Variants in STAB2 observed in about 807,000 individuals in gnomAD.
STAB2 encodes stabilin 2.
Under a neutral mutation model 338.1 loss-of-function variants are expected in STAB2, and 288 were observed. The ratio of observed to expected loss-of-function variants is 0.85; its 90% CI spans 0.77 to 0.94. STAB2 has a LOEUF of 0.94. STAB2 is among the 40% of genes least tolerant of loss of function. The probability of loss-of-function intolerance (pLI) is 0.00; values close to 1 mark genes in which losing one functional copy is unlikely to be tolerated. For missense variants in STAB2, 3,141 were observed against 3,210.1 expected (o/e 0.98, Z 0.52); for synonymous variants, 1,202 against 1,193.3 (o/e 1.01, Z -0.15).
chr12:103,660,428 G>A (rs777259195), intron 16 of STAB2, 44 bp downstream of exon 16: 4 of 1,603,128 alleles, frequency 2.5e-6, no homozygotes, highest in Admixed American at 3.3e-5. Context: ...CTGCTTCCAA[G>A]ATAGCTAACT....
intron 51 of STAB2, among the ~76,000 whole-genome samples, chr12:103,734,564 C>T (rs779409347): frequency 4.6e-5 from 7 of 152,226 alleles, no homozygotes; most frequent in Non-Finnish European, 1.0e-4. Flanking sequence ...CATATAGGAA[C>T]ATGGCAGCCA....
intron 25 of STAB2, among the ~76,000 whole-genome samples, chr12:103,680,989 C>T (rs1370538253): frequency 2.0e-5 from 3 of 152,294 alleles, no homozygotes; most frequent in Admixed American, 6.5e-5. Context: ...TGAAGAAATG[C>T]GATCTTGTGC....
intron 44 of STAB2, among the ~76,000 whole-genome samples, chr12:103,723,242 C>CA (rs1403665252): frequency 6.6e-6 from 1 of 152,154 alleles, no homozygotes; most frequent in Non-Finnish European, 1.5e-5. Context: ...GGGCAACTTA[C>CA]AAAAGAAAGG....
Position 103,654,503 on chromosome 12 carries a change from C to T in STAB2, c.1408-52C>T, listed in dbSNP as rs1379114910. ...ACTTCTGACTCTACTCCAGTGCTTG[C>T]TCCTTCCAGGACACCATAGTAATCT... On this transcript the variant is annotated intron_variant, in intron 12 of 68. Coordinates refer to ENST00000388887, the MANE Select transcript of STAB2 (RefSeq NM_017564.10). 3 of 1,564,134 alleles carry T rather than the reference C, an allele frequency of 1.9e-6. No homozygotes were observed. In the African/African-American group the frequency reaches 4.1e-5, roughly 21 times the overall value.
intron 53 of STAB2, 119 bp downstream of exon 53, chr12:103,737,899 CAGA>C (rs1882286528): frequency 7.5e-7 from 1 of 1,336,448 alleles, no homozygotes; most frequent in South Asian, 1.6e-5. Context: ...GACTAGGACC[CAGA>C]AGACCTGAGG....
intron 6 of STAB2, among the ~76,000 whole-genome samples, chr12:103,634,786 A>T (rs1221905375): frequency 6.6e-6 from 1 of 152,126 alleles, no homozygotes; most frequent in African/African-American, 2.4e-5. Context: ...CCATCTTGTG[A>T]CTCTGTCATT....
chr12:103,683,176 T>G (rs776192572), intron 25 of STAB2, 29 bp from the exon 26 acceptor site: 6 of 1,596,408 alleles, frequency 3.8e-6, no homozygotes, highest in Non-Finnish European at 5.1e-6. Flanking sequence ...CTTTCAATAA[T>G]CCACTTGACT....
At chr12:103,723,558 GA>G (rs1317583977) in intron 44 of STAB2, among the ~76,000 whole-genome samples, 14 of 152,244 alleles carry the variant, frequency 9.2e-5, no homozygotes, top group African/African-American at 3.4e-4. Context: ...TAGAGAGAGG[GA>G]AATTAAATGT....
At chr12:103,604,782 A>T (rs1366364995) in intron 3 of STAB2, among the ~76,000 whole-genome samples, 1 of 151,098 alleles carries the variant, frequency 6.6e-6, no homozygotes, top group Non-Finnish European at 1.5e-5. Flanking sequence ...CATCCATTTC[A>T]TTCACCAGCT....
chr12:103,681,603 T>A (rs893887678), intron 25 of STAB2, among the ~76,000 whole-genome samples: 1 of 150,056 alleles, frequency 6.7e-6, no homozygotes, highest in East Asian at 2.0e-4. Context: ...TGTCTCCAAA[T>A]TCCCCCCTAC....
intron 53 of STAB2, among the ~76,000 whole-genome samples, chr12:103,738,366 C>T (rs1192299162): frequency 6.6e-6 from 1 of 152,202 alleles, no homozygotes; most frequent in East Asian, 1.9e-4. Context: ...ACTGAGTACT[C>T]CCCTGAAGCC....
At chr12:103,590,708 T>A (rs370340571) in intron 1 of STAB2, among the ~76,000 whole-genome samples, 189 bp from the exon 2 acceptor site, 1 of 152,186 alleles carries the variant, frequency 6.6e-6, no homozygotes, top group Non-Finnish European at 1.5e-5. Context: ...ACATTGCTTA[T>A]TAATCTCAAT....
intron 25 of STAB2, among the ~76,000 whole-genome samples, chr12:103,678,783 C>A (rs866375093): frequency 9.9e-5 from 15 of 152,156 alleles, no homozygotes; most frequent in Admixed American, 2.0e-4. Context: ...CCACCTGCCT[C>A]GGCCTCCCAA....
chr12:103,705,661 C>T lies in STAB2; in HGVS notation c.3930C>T (p.Thr1310=). 1 of 1,614,168 alleles carries T rather than the reference C, an allele frequency of 6.2e-7. No homozygotes were observed. The change falls in exon 37 of 69, where the codon ACC becomes ACT. Residue 1310 remains threonine (T), a synonymous_variant. Transcript: ENST00000388887. ...ATGAGAAGAGGAGATGCATCTATAC[C>T]TCCTATTTCATGGGAAGACGAACCC... The part of the protein sequence containing the change: ...LGNEKRRCIY[T]SYFMGRRTLF...
At chr12:103,698,041 A>G (rs1416565396) in intron 33 of STAB2, among the ~76,000 whole-genome samples, 1 of 152,204 alleles carries the variant, frequency 6.6e-6, no homozygotes, top group African/African-American at 2.4e-5. Context: ...ACTGCCAACC[A>G]GATTCAGGTG....
At position 103,702,294 on chromosome 12, in the gene STAB2, A is replaced by T. The variant is rs1160823531; in HGVS notation, c.3715-854A>T. 2.1e-3 allele frequency among the ~76,000 whole-genome samples: 307 copies of T among 143,584 alleles called. 2 individuals are homozygous for T. The highest frequency in any genetic ancestry group is 6.4e-3 in the African/African-American group (250 of 39,104). 94.2% of individuals were successfully genotyped at this position (143,584 alleles called of 152,430 possible). Reference sequence around the variant, plus strand: ...ACCATTTTTTAAAAAATTATCAGTTATTTTTTTTTTTTTTTGAGACGGAGT... The same window carrying T: ...ACCATTTTTTAAAAAATTATCAGTTTTTTTTTTTTTTTTTTGAGACGGAGT... On this transcript the variant is annotated intron_variant, in intron 34 of 68. Coordinates refer to ENST00000388887, the MANE Select transcript of STAB2 (RefSeq NM_017564.10).
At chr12:103,683,158 G>A (rs1566012009) in intron 25 of STAB2, 47 bp from the exon 26 acceptor site, 14 of 1,533,108 alleles carry the variant, frequency 9.1e-6, no homozygotes, top group Non-Finnish European at 9.0e-6. Flanking sequence ...AGACATGGAA[G>A]GCACTTGCTT....
At chr12:103,733,704 G>T (rs1469519323) in intron 51 of STAB2, among the ~76,000 whole-genome samples, 1 of 152,054 alleles carries the variant, frequency 6.6e-6, no homozygotes, top group East Asian at 1.9e-4. Flanking sequence ...ATAGGAATAA[G>T]CATGATATAG....
intron 56 of STAB2, among the ~76,000 whole-genome samples, chr12:103,742,777 TA>T (rs964448308): frequency 1.3e-5 from 2 of 152,224 alleles, no homozygotes; most frequent in African/African-American, 4.8e-5. Flanking sequence ...CAGCAGCCAC[TA>T]AGGCAAGATG....
Sources: gnomAD v4.1 joint callset for allele counts (sites outside exome capture counted in the v4.1 genomes callset) on GRCh38, gnomAD v4.1.1 for gene constraint, MANE v1.5 for transcripts, NCBI Gene and HGNC (gene_info 2026-07-23, HGNC 2026-07-21) for gene names.